The following PUM2 variants were observed in gnomAD, a reference collection of about 807,000 sequenced individuals.
PUM2 encodes the protein pumilio homolog 2.
Under a neutral mutation model 124.5 loss-of-function variants are expected in PUM2, and 57 were observed. The ratio of observed to expected loss-of-function variants is 0.46; its 90% confidence interval spans 0.37 to 0.57. The LOEUF is 0.57. PUM2 is among the 20% of genes least tolerant of loss of function. The pLI is 0.00. For missense variants in PUM2, 1,065 were observed against 1,290.6 expected (o/e 0.83, Z 2.68); for synonymous variants, 460 against 446.1 (o/e 1.03, Z -0.39).
intron 8 of PUM2, among the ~76,000 whole-genome samples, chr2:20,296,641 AAGTC>A (rs1301128862): frequency 2.0e-5 from 3 of 149,192 alleles, no homozygotes; most frequent in Non-Finnish European, 3.0e-5. Flanking sequence ...CAAGTTTTGA[AAGTC>A]AGCCCATTAG....
At chr2:20,260,714 TATAA>T in intron 14 of PUM2, among the ~76,000 whole-genome samples, 1 of 152,370 alleles carries the variant, frequency 6.6e-6, no homozygotes, top group South Asian at 2.1e-4. Context: ...TTGGTTACAT[TATAA>T]TCAATAAGAA....
chr2:20,344,178 G>C (rs1041787577), intron 1 of PUM2, among the ~76,000 whole-genome samples: 1 of 151,936 alleles, frequency 6.6e-6, no homozygotes, highest in South Asian at 2.1e-4. Flanking sequence ...AGAGATCCTC[G>C]CGCCTCAGCC....
At position 20,274,969 on chromosome 2, in the gene PUM2, A is replaced by AAAAAAAAAAAAAAAAAAAAAT. The variant is rs1669884589; in HGVS notation, c.1957+3613_1957+3614insATTTTTTTTTTTTTTTTTTTT. Among the ~76,000 whole-genome samples the AAAAAAAAAAAAAAAAAAAAAT allele has an allele frequency of 1.4e-5, 2 of 146,326 alleles. 1 individual carries two copies. The highest frequency in any genetic ancestry group is 3.0e-5 in the Non-Finnish European group (2 of 66,202). On this transcript the variant is annotated intron_variant, in intron 13 of 20. Transcript: ENST00000361078. Reference sequence around the variant, plus strand: ...AGTGAAGTATCTCCAAAAAAAAAAAAAAAAAGATGCTTACTTCTATCCTAG... The same window carrying AAAAAAAAAAAAAAAAAAAAAT: ...AGTGAAGTATCTCCAAAAAAAAAAAAAAAAAAAAAAAAAAAAAAAATAAAAAGATGCTTACTTCTATCCTAG...
chr2:20,312,155 C>T, intron 4 of PUM2, 81 bp downstream of exon 4: 2 of 1,310,728 alleles, frequency 1.5e-6, no homozygotes, highest in South Asian at 1.5e-5. Flanking sequence ...CACAGAAAAA[C>T]AAATTGAATT....
At chr2:20,279,981 A>G (rs1374426438) in intron 12 of PUM2, among the ~76,000 whole-genome samples, 7 of 152,184 alleles carry the variant, frequency 4.6e-5, no homozygotes, top group African/African-American at 1.7e-4. Context: ...GACAAGCTCT[A>G]TATTCGGACC....
At chr2:20,351,037 C>T (rs1204512842), upstream of PUM2, among the ~76,000 whole-genome samples, 1 of 152,220 alleles carries the variant, frequency 6.6e-6, no homozygotes, top group Non-Finnish European at 1.5e-5. Context: ...GTGCCCTCCC[C>T]CGCCCTCACC....
chr2:20,305,582 T>C (rs1374703427), intron 7 of PUM2, among the ~76,000 whole-genome samples: 1 of 150,702 alleles, frequency 6.6e-6, no homozygotes, highest in African/African-American at 2.4e-5. Flanking sequence ...CATCTAACTA[T>C]ATAGATGCAA....
At chr2:20,313,860 A>T (rs967305413) in intron 3 of PUM2, among the ~76,000 whole-genome samples, 1 of 143,110 alleles carries the variant, frequency 7.0e-6, no homozygotes, top group African/African-American at 2.6e-5. Flanking sequence ...AAAAAAAAAA[A>T]GGCCAGGGGC....
Position 20,302,502 on chromosome 2 carries a change from G to GC in PUM2, c.884-4825dup, listed in dbSNP as rs575263494. On this transcript the variant is annotated intron_variant, in intron 7 of 20. Transcript: ENST00000361078. ...CCATTAGGAATGAGACCCAATAACC[G>GC]CCCCCCCAAGTTATTTTCCAAATAA... 1.8e-3 allele frequency among the ~76,000 whole-genome samples: 273 copies of GC among 151,590 alleles called. 2 individuals carry two copies. Among genetic ancestry groups the GC allele is most frequent in the African/African-American group, 6.0e-3 (248 of 41,292 alleles).
Position 20,251,672 on chromosome 2 carries a change from C to T in PUM2, c.3108G>A (p.Lys1036=), listed in dbSNP as rs1208717521. ...ITTLRKYTYG[K]HILAKLEKYY... is the part of the protein sequence containing the mutation. ...ACTTTTCCAACTTGGCCAGTATATG[C>T]TTCCCGTATGTGTATTTGCGCAAAG... The change falls in exon 21 of 21, where the codon AAG becomes AAA. Residue 1036 remains lysine (K), a synonymous_variant. Coordinates refer to ENST00000361078, the MANE Select transcript of PUM2 (RefSeq NM_015317.5). 1 of 1,613,692 alleles carries T rather than the reference C, an allele frequency of 6.2e-7. No individual in the cohort carries two copies. The highest frequency in any genetic ancestry group is 8.5e-7 in the Non-Finnish European group (1 of 1,179,660).
chr2:20,318,495 C>G, intron 3 of PUM2, 42 bp downstream of exon 3: 1 of 1,524,746 alleles, frequency 6.6e-7, no homozygotes, highest in Middle Eastern at 1.7e-4. Flanking sequence ...TTATAAAATG[C>G]TAAATATATT....
intron 10 of PUM2, among the ~76,000 whole-genome samples, chr2:20,284,205 G>A (rs1404824635): frequency 6.6e-6 from 1 of 152,172 alleles, no homozygotes; most frequent in African/African-American, 2.4e-5. Flanking sequence ...TGGAATCACA[G>A]GAGAGAAGTT....
intron 1 of PUM2, among the ~76,000 whole-genome samples, chr2:20,348,941 A>T (rs894039472): frequency 1.1e-4 from 16 of 152,372 alleles, no homozygotes; most frequent in Middle Eastern, 6.8e-3. Context: ...AACAAGAAAA[A>T]AAGATTCATA....
At chr2:20,278,197 A>G (rs1382241457) in intron 13 of PUM2, among the ~76,000 whole-genome samples, 1 of 152,178 alleles carries the variant, frequency 6.6e-6, no homozygotes, top group Non-Finnish European at 1.5e-5. Flanking sequence ...GTACTAACCT[A>G]GTTCAGTAGC....
chr2:20,273,522 A>G (rs1669510618), intron 13 of PUM2, among the ~76,000 whole-genome samples: 1 of 152,256 alleles, frequency 6.6e-6, no homozygotes, highest in African/African-American at 2.4e-5. Flanking sequence ...ATAAAAAATT[A>G]GTAATCTAAA....
Position 20,283,185 on chromosome 2 carries a change from G to A in PUM2, c.1482C>T (p.Ser494=). The change falls in exon 12 of 21, where the codon AGC becomes AGT. Residue 494 remains serine (S), a synonymous_variant. Coordinates refer to ENST00000361078, the MANE Select transcript of PUM2 (RefSeq NM_015317.5). ...CAATTGGCCGAAACAGACCATTTGT[G>A]CTGCCTGTAAGGCTACTTGCAGTTC... The part of the protein sequence containing the change: ...AGGTASSLTG[S]TNGLFRPIGT... The A allele has an allele frequency of 6.2e-7, 1 of 1,614,098 alleles. No individual in the cohort carries two copies. Among genetic ancestry groups the A allele is most frequent in the South Asian group, 1.1e-5 (1 of 91,084 alleles).
Position 20,283,376 on chromosome 2 carries a change from G to C in PUM2, c.1402C>G (p.Pro468Ala). ...GAPVRLMAPT[P>A]VLISSAAAQA... ...GCTGCTGCTGAACTAATTAAAACAGGTGTTGGAGCCATTAACCGAACTGGA... is the reference window on the plus strand; with the variant it reads ...GCTGCTGCTGAACTAATTAAAACAGCTGTTGGAGCCATTAACCGAACTGGA... The change falls in exon 11 of 21, where the codon CCT becomes GCT. Residue 468 changes from proline to alanine, a missense_variant. Physicochemically the swap from Pro to Ala is conservative, Grantham distance 27. This residue lies in a region of PUM2 where 968 missense variants were observed against 1,159.8 expected (regional missense o/e 0.83). Transcript: ENST00000361078. 6.2e-7 allele frequency: 1 copy of C among 1,614,090 alleles called. No homozygotes were observed.
In PUM2 at chr2:20,308,603, A is replaced by G. The variant is rs1017726280; in HGVS notation, c.519-19T>C. On this transcript the variant is annotated intron_variant, in intron 5 of 20. Coordinates refer to ENST00000361078, the MANE Select transcript of PUM2 (RefSeq NM_015317.5). ...AGTACGACTACATAAAGAAAATAGA[A>G]AAGCATTATGAATAAAAGTAACAAG... The G allele has an allele frequency of 6.4e-7, 1 of 1,573,462 alleles. No individual in the cohort carries two copies. Among genetic ancestry groups the G allele is most frequent in the Non-Finnish European group, 8.6e-7 (1 of 1,162,156 alleles).
At position 20,347,481 on chromosome 2, in the gene PUM2, T is replaced by G. The variant is rs578039534; in HGVS notation, c.-19+3116A>C. ...CTACCTAATAATTCTATACAGCGTTTCACTCACTGGAAAAGCTTGAAAATA... is the reference window on the plus strand; with the variant it reads ...CTACCTAATAATTCTATACAGCGTTGCACTCACTGGAAAAGCTTGAAAATA... On this transcript the variant is annotated intron_variant, in intron 1 of 20. Transcript: ENST00000361078. 7.5e-4 allele frequency among the ~76,000 whole-genome samples: 115 copies of G among 152,344 alleles called. 1 individual carries two copies. The highest frequency in any genetic ancestry group is 2.7e-3 in the African/African-American group (113 of 41,580).
Sources: gnomAD v4.1 joint callset for allele counts (sites outside exome capture counted in the v4.1 genomes callset) on GRCh38, gnomAD v4.1.1 for gene constraint, gnomAD v4.1.1 regional missense constraint, MANE v1.5 for transcripts, NCBI Gene and HGNC (gene_info 2026-07-23, HGNC 2026-07-21) for gene names.